MACROD2: variants seen among roughly 807,000 people sequenced by gnomAD.
MACROD2 encodes the protein ADP-ribose glycohydrolase MACROD2.
A neutral mutation model predicts 70.4 loss-of-function variants in MACROD2; 36 were observed. That is an observed-to-expected ratio of 0.51 (90% CI 0.39 to 0.68). The LOEUF (loss-of-function observed/expected upper bound fraction) is 0.68, where lower values mean the gene tolerates loss of function less well. Ranked by LOEUF, MACROD2 falls within the 30% of genes least tolerant of loss-of-function variation. MACROD2 has a pLI of 0.00. For synonymous variants in MACROD2, 172 were observed against 178.8 expected (o/e 0.96, Z 0.30); for missense variants, 496 against 538.4 (o/e 0.92, Z 0.78).
intron 1 of MACROD2, among the ~76,000 whole-genome samples, chr20:13,996,032 C>T (rs1178477080): frequency 2.0e-5 from 3 of 152,184 alleles, no homozygotes; most frequent in African/African-American, 7.2e-5. Context: ...CACGTGTGGG[C>T]GCACGCCCCT....
intron 5 of MACROD2, among the ~76,000 whole-genome samples, chr20:14,945,545 T>A (rs2074424916): frequency 6.6e-6 from 1 of 152,222 alleles, no homozygotes; most frequent in Non-Finnish European, 1.5e-5. Context: ...TTGCAGCCTT[T>A]ACATTTGGGT....
intron 4 of MACROD2, among the ~76,000 whole-genome samples, chr20:14,606,673 T>G (rs929218522): frequency 6.6e-6 from 1 of 152,172 alleles, no homozygotes; most frequent in African/African-American, 2.4e-5. Flanking sequence ...CAATAATAAC[T>G]TTAATTGTTA....
intron 5 of MACROD2, among the ~76,000 whole-genome samples, chr20:14,790,933 GAA>G (rs1377174847): frequency 6.6e-6 from 1 of 151,992 alleles, no homozygotes; most frequent in Admixed American, 6.6e-5. Context: ...GAAAGGCAGA[GAA>G]AAAGAGAGAC....
chr20:14,592,966 A>G (rs559166490), intron 4 of MACROD2, among the ~76,000 whole-genome samples: 54 of 152,294 alleles, frequency 3.5e-4, no homozygotes, highest in African/African-American at 1.3e-3. Context: ...GTATTACTCA[A>G]TATATTAAGT....
intron 5 of MACROD2, among the ~76,000 whole-genome samples, chr20:15,077,977 G>A (rs1266931595): frequency 2.0e-5 from 3 of 152,094 alleles, no homozygotes; most frequent in Non-Finnish European, 4.4e-5. Context: ...CTCAATGCGG[G>A]GAAAGGGCCA....
chr20:14,346,268 A>G (rs1209668210), intron 3 of MACROD2, among the ~76,000 whole-genome samples: 1 of 152,198 alleles, frequency 6.6e-6, no homozygotes, highest in African/African-American at 2.4e-5. Flanking sequence ...TATGAATAGC[A>G]AAAACATAAA....
chr20:14,333,130 G>A (rs1257543323), intron 3 of MACROD2, among the ~76,000 whole-genome samples: 3 of 151,988 alleles, frequency 2.0e-5, no homozygotes, highest in African/African-American at 7.2e-5. Context: ...AGTCTGAAGG[G>A]TTTGCTGAGA....
intron 3 of MACROD2, among the ~76,000 whole-genome samples, chr20:14,094,567 A>C (rs2054197278): frequency 1.3e-5 from 2 of 152,082 alleles, no homozygotes; most frequent in Non-Finnish European, 1.5e-5. Flanking sequence ...TCATCCTTGA[A>C]TGTTAATTTT....
chr20:14,142,375 C>T (rs537638035), intron 3 of MACROD2, among the ~76,000 whole-genome samples: 3 of 152,158 alleles, frequency 2.0e-5, no homozygotes, highest in African/African-American at 7.2e-5. Flanking sequence ...TGCTGCTTAG[C>T]GACCACAGGT....
At chr20:15,043,703 TG>T (rs1170161882) in intron 5 of MACROD2, among the ~76,000 whole-genome samples, 1 of 152,158 alleles carries the variant, frequency 6.6e-6, no homozygotes, top group Admixed American at 6.5e-5. Context: ...TCTGTACCCC[TG>T]ATTATGGCCT....
chr20:16,026,011 G>C (rs779033526), intron 15 of MACROD2, among the ~76,000 whole-genome samples: 2 of 151,878 alleles, frequency 1.3e-5, no homozygotes, highest in Non-Finnish European at 2.9e-5. Flanking sequence ...AAATTAGCTG[G>C]GCGTGGTGGT....
chr20:14,710,166 G>A (rs948256985), intron 5 of MACROD2, among the ~76,000 whole-genome samples: 24 of 152,114 alleles, frequency 1.6e-4, no homozygotes, highest in African/African-American at 4.8e-4. Flanking sequence ...GAGAATGAGA[G>A]AGTAAGCAAG....
At chr20:14,849,378 A>C (rs2073174807) in intron 5 of MACROD2, among the ~76,000 whole-genome samples, 1 of 152,066 alleles carries the variant, frequency 6.6e-6, no homozygotes, top group Non-Finnish European at 1.5e-5. Flanking sequence ...GATATCCTTG[A>C]ATTAAAGGTG....
intron 5 of MACROD2, among the ~76,000 whole-genome samples, chr20:14,842,024 G>GTTTT (rs749270680): frequency 6.6e-6 from 1 of 151,750 alleles, no homozygotes; most frequent in African/African-American, 2.4e-5. Flanking sequence ...GAGGTTTTTT[G>GTTTT]TTTGTTTGTT....
intron 3 of MACROD2, among the ~76,000 whole-genome samples, chr20:14,265,776 C>CTT (rs11478087): frequency 0.014 from 1,657 of 114,970 alleles, 23 homozygotes; most frequent in African/African-American, 0.022. Context: ...CCGCCTTGTC[C>CTT]TTTTTTTTTT....
At chr20:14,606,272 G>A (rs1424634446) in intron 4 of MACROD2, among the ~76,000 whole-genome samples, 3 of 152,134 alleles carry the variant, frequency 2.0e-5, no homozygotes, top group African/African-American at 7.2e-5. Context: ...TATTGTATGA[G>A]TGACCTTTAG....
intron 5 of MACROD2, among the ~76,000 whole-genome samples, chr20:15,032,520 T>TC (rs1268346264): frequency 1.3e-5 from 2 of 152,142 alleles, no homozygotes; most frequent in East Asian, 3.9e-4. Flanking sequence ...ACTTTGAGAC[T>TC]CAAATCCACA....
chr20:14,650,387 A>G (rs1985619223), intron 4 of MACROD2, among the ~76,000 whole-genome samples: 1 of 152,204 alleles, frequency 6.6e-6, no homozygotes, highest in Non-Finnish European at 1.5e-5. Flanking sequence ...CTATTACTTT[A>G]CCCTAGGCTG....
chr20:15,612,973 G>A (rs190304022), intron 8 of MACROD2, among the ~76,000 whole-genome samples: 1,564 of 152,274 alleles, frequency 0.01, 26 homozygotes, highest in African/African-American at 0.036. Flanking sequence ...GCCTGGGCAC[G>A]GGAGCCAAGA....
Sources: gnomAD v4.1 joint callset for allele counts (sites outside exome capture counted in the v4.1 genomes callset) on GRCh38, gnomAD v4.1.1 for gene constraint, MANE v1.5 for transcripts, NCBI Gene and HGNC (gene_info 2026-07-23, HGNC 2026-07-21) for gene names.